TMEM26: variants seen among roughly 807,000 people sequenced by gnomAD.
The protein encoded by TMEM26 is transmembrane protein 26.
TMEM26 carries 38 observed loss-of-function variants against 28.8 expected under a neutral mutation model. The observed-to-expected ratio is 1.32, with a 90% CI of 1.02 to 1.73. TMEM26 has a LOEUF of 1.73. Ranked by LOEUF, TMEM26 falls within the 40% of genes most tolerant of loss-of-function variation. TMEM26 has a pLI of 0.00. For synonymous variants in TMEM26, 227 were observed against 182.9 expected, an observed-to-expected ratio of 1.24 and a Z score of -1.95; for missense variants, 518 against 447.1, an observed-to-expected ratio of 1.16 and a Z score of -1.43.
intron 4 of TMEM26, among the ~76,000 whole-genome samples, chr10:61,420,364 G>A (rs981019625): frequency 6.6e-6 from 1 of 152,038 alleles, no homozygotes; most frequent in East Asian, 1.9e-4. Flanking sequence ...GGAAGAGGTG[G>A]AGGAGGTGAA....
chr10:61,433,370 C>T (rs962580561), intron 2 of TMEM26, among the ~76,000 whole-genome samples: 2 of 152,046 alleles, frequency 1.3e-5, no homozygotes, highest in African/African-American at 4.8e-5. Flanking sequence ...CATTCTGCCT[C>T]GTATAGGTGA....
At position 61,410,304 on chromosome 10, in the gene TMEM26, A is replaced by T; in HGVS notation, c.*18T>A. The T allele has an allele frequency of 6.3e-7, 1 of 1,590,980 alleles. No homozygotes were observed. Among genetic ancestry groups the T allele is most frequent in the African/African-American group, 1.3e-5 (1 of 74,512 alleles). ...CCAGGGAGTCAGGTTCTAGCCGCAG[A>T]CCACTGTCAATCAATAACTAAGGGG... On this transcript the variant is annotated 3_prime_UTR_variant, in exon 6 of 6. Coordinates refer to ENST00000399298, the MANE Select transcript of TMEM26 (RefSeq NM_178505.8).
At chr10:61,446,112 T>TC (rs1840175677) in intron 1 of TMEM26, among the ~76,000 whole-genome samples, 1 of 152,170 alleles carries the variant, frequency 6.6e-6, no homozygotes, top group South Asian at 2.1e-4. Flanking sequence ...TTCTTGGAGC[T>TC]CCCATTCTAC....
At chr10:61,418,191 C>G (rs1440076114) in intron 4 of TMEM26, among the ~76,000 whole-genome samples, 1 of 151,896 alleles carries the variant, frequency 6.6e-6, no homozygotes, top group Non-Finnish European at 1.5e-5. Context: ...GCAGAGTTTT[C>G]AAGAACTAGG....
At chr10:61,440,263 A>G (rs1840070432) in intron 1 of TMEM26, among the ~76,000 whole-genome samples, 1 of 152,078 alleles carries the variant, frequency 6.6e-6, no homozygotes, top group Non-Finnish European at 1.5e-5. Flanking sequence ...AAAAATGACA[A>G]CGAAAACTAA....
At position 61,452,964 on chromosome 10, in the gene TMEM26, C is replaced by G. The variant is rs1003455198; in HGVS notation, c.118G>C (p.Ala40Pro). Residue 40 changes from alanine (A) to proline (P), a missense_variant, in exon 1 of 6, where the codon GCG becomes CCG. By Grantham distance (27) the Ala-to-Pro change is conservative (BLOSUM62 -1). Coordinates refer to ENST00000399298, the MANE Select transcript of TMEM26 (RefSeq NM_178505.8). ...AGGAAGAGCAAGAGGTTGAGCAGCG[C>G]AAGCAGCCAGTACCGCGGCTCCTTC... The part of the protein sequence containing the change: ...VKKEPRYWLL[A>P]LLNLLLFLET... The G allele has an allele frequency of 4.3e-6, 7 of 1,613,966 alleles. No homozygotes were observed. The highest frequency in any genetic ancestry group is 5.9e-6 in the Non-Finnish European group (7 of 1,180,036).
chr10:61,431,947 T>G (rs1354031700), intron 2 of TMEM26, among the ~76,000 whole-genome samples: 1 of 152,024 alleles, frequency 6.6e-6, no homozygotes, highest in Non-Finnish European at 1.5e-5. Context: ...GTGTATTCAG[T>G]TTTTAGCTCC....
In TMEM26 at chr10:61,429,036, A is replaced by G. The variant is rs765624919; in HGVS notation, c.495T>C (p.Ile165=). The G allele has an allele frequency of 5.0e-6, 8 of 1,613,330 alleles. No individual in the cohort carries two copies. The highest frequency in any genetic ancestry group is 1.7e-5 in the Admixed American group (1 of 59,932). ...GTTGATCTCGAGTGATCCCGCCTCC[A>G]ATGGGTAGAAGCCATCTTCCAATTA... ...MLIIGRWLLP[I]GGGITRDQLS... is the part of the protein sequence containing the mutation. The change falls in exon 4 of 6, where the codon ATT becomes ATC. Residue 165 remains isoleucine (I), a synonymous_variant. Transcript: ENST00000399298.
At chr10:61,413,272 C>T (rs1267621952) in intron 5 of TMEM26, among the ~76,000 whole-genome samples, 187 bp downstream of exon 5, 1 of 152,052 alleles carries the variant, frequency 6.6e-6, no homozygotes. Flanking sequence ...TTAAGCTCAC[C>T]GTGTACCACA....
chr10:61,435,542 A>G (rs1003678451), intron 2 of TMEM26, among the ~76,000 whole-genome samples: 2 of 152,162 alleles, frequency 1.3e-5, no homozygotes, highest in Non-Finnish European at 2.9e-5. Context: ...CACCTTCCAC[A>G]TGGTGGGTCC....
At chr10:61,425,646 A>T (rs1257040148) in intron 4 of TMEM26, among the ~76,000 whole-genome samples, 4 of 152,266 alleles carry the variant, frequency 2.6e-5, no homozygotes, top group African/African-American at 9.6e-5. Flanking sequence ...CAGACACATC[A>T]CCAAAGAAGA....
At chr10:61,438,310 T>A (rs555585813) in intron 1 of TMEM26, among the ~76,000 whole-genome samples, 13 of 152,228 alleles carry the variant, frequency 8.5e-5, no homozygotes, top group African/African-American at 3.1e-4. Flanking sequence ...AAAGAACAAT[T>A]AACTTTTTGA....
chr10:61,446,817 CAAAAAAAAAAAAAAAAAAAAAA>C (rs34030340), intron 1 of TMEM26, among the ~76,000 whole-genome samples: 11 of 33,940 alleles, frequency 3.2e-4, no homozygotes, highest in African/African-American at 1.2e-3. Flanking sequence ...GACTCCATCT[CAAAAAAAAAAAAAAAAAAAAAA>C]AAAAAAAAAA....
intron 1 of TMEM26, among the ~76,000 whole-genome samples, chr10:61,443,269 G>A (rs1433527654): frequency 6.6e-6 from 1 of 150,752 alleles, no homozygotes; most frequent in African/African-American, 2.5e-5. Context: ...TGGCTAACAC[G>A]GTGAAACCTG....
At chr10:61,449,154 G>GA (rs1268958936) in intron 1 of TMEM26, among the ~76,000 whole-genome samples, 1 of 151,922 alleles carries the variant, frequency 6.6e-6, no homozygotes, top group South Asian at 2.1e-4. Context: ...AATATTAGGT[G>GA]AAAAAAAGCA....
intron 3 of TMEM26, among the ~76,000 whole-genome samples, chr10:61,429,606 T>A (rs1839889597): frequency 6.6e-6 from 1 of 152,094 alleles, no homozygotes; most frequent in Non-Finnish European, 1.5e-5. Flanking sequence ...TTCTCTTTGT[T>A]TTTTTGCTTT....
At chr10:61,436,310 ATTAAGAGGAAGAATG>A in intron 1 of TMEM26, 62 bp from the exon 2 acceptor site, 2 of 1,081,534 alleles carry the variant, frequency 1.8e-6, no homozygotes, top group Non-Finnish European at 2.7e-6. Flanking sequence ...AAAAAAAAAA[ATTAAGAGGAAGAATG>A]AAAAAAAAAT....
chr10:61,423,978 C>G (rs556607361), intron 4 of TMEM26, among the ~76,000 whole-genome samples: 15 of 151,942 alleles, frequency 9.9e-5, no homozygotes, highest in Admixed American at 8.5e-4. Flanking sequence ...GGCATCTATA[C>G]AAAACCCACA....
At chr10:61,423,710 G>A (rs1839784581) in intron 4 of TMEM26, among the ~76,000 whole-genome samples, 1 of 152,010 alleles carries the variant, frequency 6.6e-6, no homozygotes, top group African/African-American at 2.4e-5. Context: ...CTAGACCCGG[G>A]CTAAAGGGCA....
Sources: allele counts gnomAD v4.1 joint callset (sites outside exome capture counted in the v4.1 genomes callset), GRCh38; gene constraint gnomAD v4.1.1; transcripts MANE v1.5; gene names NCBI Gene and HGNC (gene_info 2026-07-23, HGNC 2026-07-21).